ZBTB18: variants seen among roughly 807,000 people sequenced by gnomAD.
ZBTB18 encodes zinc finger and BTB domain-containing protein 18.
Under a neutral mutation model 37.7 loss-of-function variants are expected in ZBTB18, and 2 were observed. The observed-to-expected ratio is 0.05, with a 90% confidence interval of 0.02 to 0.17. The LOEUF (loss-of-function observed/expected upper bound fraction) is 0.17, where lower values mean the gene tolerates loss of function less well. ZBTB18 is among the 10% of genes least tolerant of loss of function. The pLI is 1.00. For synonymous variants in ZBTB18, 304 were observed against 276.5 expected (o/e 1.10, Z -0.99); for missense variants, 408 against 686.3 (o/e 0.59, Z 4.53).
At chr1:244,050,716 A>G (rs78753716), upstream of ZBTB18, among the ~76,000 whole-genome samples, 3,301 of 152,316 alleles carry the variant, frequency 0.022, 61 homozygotes, top group Non-Finnish European at 0.035. Flanking sequence ...AAGTAATTAC[A>G]TAAGAGTGAA....
chr1:244,049,056 G>A (rs1698294966), upstream of ZBTB18: 3 of 146,610 alleles, frequency 2.0e-5, no homozygotes, highest in South Asian at 5.4e-4. Flanking sequence ...CGGCACCCCG[G>A]CGGGCGGGGG....
chr1:244,055,002 A>G lies in ZBTB18; in HGVS notation c.1228A>G (p.Ser410Gly). The change falls in exon 2 of 2, where the codon AGC becomes GGC. Residue 410 changes from serine to glycine, a missense_variant. By Grantham distance (56) the Ser-to-Gly change is moderately conservative. Around this residue, in one of 4 missense-constraint regions of ZBTB18, gnomAD observed 266 missense variants for 312.0 expected, o/e 0.85. Transcript: ENST00000358704. The surrounding 1 kb of genome is among the most constrained non-coding windows in gnomAD (Gnocchi z 7.0). The stretch of plus-strand genomic sequence containing the variant: ...CTTCCGCGAGCAGGACGGCATCCGC[A>G]GCAAGCCCGCCGCCGATGTCAACGT... ...THFREQDGIR[S>G]KPAADVNVPT... 1.9e-6 allele frequency: 3 copies of G among 1,614,132 alleles called. No homozygotes were observed. Among genetic ancestry groups the G allele is most frequent in the Non-Finnish European group, 2.5e-6 (3 of 1,180,040 alleles).
rs772491509 is a variant in ZBTB18, at chr1:244,056,012, T to TG, written c.*643dup. On this transcript the variant is annotated 3_prime_UTR_variant, in exon 2 of 2. Transcript: ENST00000358704. The stretch of plus-strand genomic sequence containing the variant: ...GTTTGCTTGGGATGAAAAAGGATAT[T>TG]GCAGCTTCAGCAGTGTTGAACTGTG... The TG allele has an allele frequency of 8.6e-4, 144 of 167,102 alleles. No homozygotes were observed. The highest frequency in any genetic ancestry group is 1.2e-3 in the Non-Finnish European group (79 of 68,120). The allele number at this position is 167,102 out of a possible 1,614,324, so 10.4% of individuals were successfully genotyped here. A position where few individuals can be genotyped will look rare whatever the true frequency, so the allele number is the denominator to read the frequency against.
rs1448855252 is a variant in ZBTB18, at chr1:244,055,513, A to T, written c.*143A>T. 4.5e-6 allele frequency: 1 copy of T among 220,840 alleles called. No homozygotes were observed. Among genetic ancestry groups the T allele is most frequent in the Non-Finnish European group, 9.1e-6 (1 of 109,846 alleles). The allele number at this position is 220,840 out of a possible 1,614,324, so 13.7% of individuals were successfully genotyped here. A position where few individuals can be genotyped will look rare whatever the true frequency, so the allele number is the denominator to read the frequency against. ...ACTTGTTTTTGCACTTTAGAATAGC[A>T]TGAGAATCTCACTAATTTAGCATTC... On this transcript the variant is annotated 3_prime_UTR_variant, in exon 2 of 2. Transcript: ENST00000358704. The surrounding 1 kb of genome is among the most constrained non-coding windows in gnomAD (Gnocchi z 7.0).
chr1:244,050,363 A>G (rs1159732458), upstream of ZBTB18, among the ~76,000 whole-genome samples: 2 of 152,096 alleles, frequency 1.3e-5, no homozygotes, highest in African/African-American at 4.8e-5. Context: ...ACTGGCTGAA[A>G]AGTTCTCAAA....
upstream of ZBTB18, among the ~76,000 whole-genome samples, chr1:244,050,446 A>T (rs911755335): frequency 1.1e-4 from 15 of 137,872 alleles, no homozygotes; most frequent in Middle Eastern, 3.8e-3. Flanking sequence ...CCCCCCCCAA[A>T]GAAAAAAAAG....
intron 1 of ZBTB18, among the ~76,000 whole-genome samples, chr1:244,052,219 A>T (rs904078976): frequency 1.3e-5 from 2 of 152,156 alleles, no homozygotes; most frequent in Non-Finnish European, 2.9e-5. Flanking sequence ...GATGTTTATA[A>T]GCTTCCTTCT....
chr1:244,050,274 T>G (rs1698320273), upstream of ZBTB18, among the ~76,000 whole-genome samples: 1 of 152,162 alleles, frequency 6.6e-6, no homozygotes, highest in South Asian at 2.1e-4. Context: ...TTCAGAGATG[T>G]CGCAGCACCC....
rs974882746 is a variant in ZBTB18 at position 244,053,353 on chromosome 1, T to C, written c.14-435T>C. On this transcript the variant is annotated intron_variant, in intron 1 of 1. Transcript: ENST00000358704. This position sits in a 1 kb window ranked among gnomAD's most constrained non-coding sequence, Gnocchi z 5.2. Reference sequence around the variant, plus strand: ...GGATGGTTGAACAAGTTTTCTTGTATGTTCCAGGATATGTTTGGGACTTTT... The same window carrying C: ...GGATGGTTGAACAAGTTTTCTTGTACGTTCCAGGATATGTTTGGGACTTTT... Among the ~76,000 whole-genome samples, 9 of 152,242 alleles carry C rather than the reference T, an allele frequency of 5.9e-5. No individual in the cohort carries two copies. The highest frequency in any genetic ancestry group is 1.0e-4 in the Non-Finnish European group (7 of 68,044).
At position 244,056,882 on chromosome 1, in the gene ZBTB18, A is replaced by C. The variant is rs1048114285; in HGVS notation, c.*1512A>C. 2 of 167,036 alleles carry C rather than the reference A, an allele frequency of 1.2e-5. No individual in the cohort carries two copies. The highest frequency in any genetic ancestry group is 4.8e-5 in the African/African-American group (2 of 41,426). The allele number at this position is 167,036 out of a possible 1,614,324, so 10.3% of individuals were successfully genotyped here. A position where few individuals can be genotyped will look rare whatever the true frequency, so the allele number is the denominator to read the frequency against. ...TTTGTTTTCCTGTCTTGCACTTACAAATAAGGTCTATGGGAGTAGCATGGA... is the reference window on the plus strand; with the variant it reads ...TTTGTTTTCCTGTCTTGCACTTACACATAAGGTCTATGGGAGTAGCATGGA... On this transcript the variant is annotated 3_prime_UTR_variant, in exon 2 of 2. Coordinates refer to ENST00000358704, the MANE Select transcript of ZBTB18 (RefSeq NM_205768.3).
At position 244,054,508 on chromosome 1, in the gene ZBTB18, T is replaced by C. The variant is rs1698415328; in HGVS notation, c.734T>C (p.Val245Ala). ...ACCTCCGTGAGGGATTCGGCAGATG[T>C]TGACTGTGTGCTGGACCTGTCTGTC... ...SVTSVRDSAD[V>A]DCVLDLSVKS... The change falls in exon 2 of 2, where the codon GTT becomes GCT. Residue 245 changes from valine to alanine, a missense_variant. This residue lies in a region of ZBTB18 where 266 missense variants were observed against 312.0 expected (regional missense o/e 0.85). Coordinates refer to ENST00000358704, the MANE Select transcript of ZBTB18 (RefSeq NM_205768.3). The surrounding 1 kb of genome is among the most constrained non-coding windows in gnomAD (Gnocchi z 9.0). The C allele has an allele frequency of 1.9e-6, 3 of 1,614,092 alleles. No individual in the cohort carries two copies. The highest frequency in any genetic ancestry group is 2.5e-6 in the Non-Finnish European group (3 of 1,180,056).
Position 244,054,390 on chromosome 1 carries a change from G to C in ZBTB18, c.616G>C (p.Ala206Pro), listed in dbSNP as rs753996280. ...LPSDSAGIPQ[A>P]GGEAEPHATA... ...CTCAGACTCAGCAGGCATCCCCCAG[G>C]CTGGCGGAGAGGCAGAGCCACACGC... Residue 206 changes from alanine to proline, a missense_variant, in exon 2 of 2, where the codon GCT (alanine) becomes CCT (proline). Ala to Pro is a conservative substitution (Grantham distance 27, BLOSUM62 -1). This residue lies in a region of ZBTB18 where 266 missense variants were observed against 312.0 expected (regional missense o/e 0.85). Coordinates refer to ENST00000358704, the MANE Select transcript of ZBTB18 (RefSeq NM_205768.3). The surrounding 1 kb of genome is among the most constrained non-coding windows in gnomAD (Gnocchi z 9.0). 53 of 1,614,040 alleles carry C rather than the reference G, an allele frequency of 3.3e-5. 1 individual carries two copies. The South Asian group carries it at 5.3e-4, about 16-fold the overall frequency.
rs754505660 is a variant in ZBTB18, at chr1:244,055,014, G to A, written c.1240G>A (p.Ala414Thr). ...EQDGIRSKPAADVNVPTCSLC... is the reference protein window; with the variant it reads ...EQDGIRSKPATDVNVPTCSLC... ...GGACGGCATCCGCAGCAAGCCCGCC[G>A]CCGATGTCAACGTGCCCACGTGCTC... The change falls in exon 2 of 2, where the codon GCC becomes ACC. Residue 414 changes from alanine (A) to threonine (T), a missense_variant. Coordinates refer to ENST00000358704, the MANE Select transcript of ZBTB18 (RefSeq NM_205768.3). This position sits in a 1 kb window ranked among gnomAD's most constrained non-coding sequence, Gnocchi z 7.0. The A allele has an allele frequency of 2.6e-5, 42 of 1,614,160 alleles. 1 individual carries two copies. Among genetic ancestry groups the A allele is most frequent in the South Asian group, 2.0e-4 (18 of 91,084 alleles).
Position 244,055,803 on chromosome 1 carries a change from T to C in ZBTB18, c.*433T>C, listed in dbSNP as rs183884013. The C allele has an allele frequency of 3.3e-3, 546 of 167,172 alleles. 7 individuals carry two copies. The highest frequency in any genetic ancestry group is 1.0e-3 in the Non-Finnish European group (71 of 68,108). The allele number at this position is 167,172 out of a possible 1,614,324, so 10.4% of individuals were successfully genotyped here. A position where few individuals can be genotyped will look rare whatever the true frequency, so the allele number is the denominator to read the frequency against. The stretch of plus-strand genomic sequence containing the variant: ...ATATGTCTCAAATTGCATGAATTTT[T>C]TCTGGCTGTTGGAAACCTGAATGCT... On this transcript the variant is annotated 3_prime_UTR_variant, in exon 2 of 2. Coordinates refer to ENST00000358704, the MANE Select transcript of ZBTB18 (RefSeq NM_205768.3). The surrounding 1 kb of genome is among the most constrained non-coding windows in gnomAD (Gnocchi z 7.0).
rs1698402985 is a variant in ZBTB18, at chr1:244,054,012, A to C, written c.238A>C (p.Thr80Pro). The C allele has an allele frequency of 6.2e-7, 1 of 1,613,986 alleles. No individual in the cohort carries two copies. The highest frequency in any genetic ancestry group is 1.7e-5 in the Admixed American group (1 of 60,000). The part of the protein sequence containing the change: ...DIVHLNSDIV[T>P]APAFALLLEF... The stretch of plus-strand genomic sequence containing the variant: ...TGTTCATCTGAACAGCGACATTGTT[A>C]CAGCCCCCGCTTTCGCTCTCCTGCT... The change falls in exon 2 of 2, where the codon ACA becomes CCA. Residue 80 changes from threonine to proline, a missense_variant. Transcript: ENST00000358704. This position sits in a 1 kb window ranked among gnomAD's most constrained non-coding sequence, Gnocchi z 9.0.
chr1:244,054,997 T>G lies in ZBTB18; in HGVS notation c.1223T>G (p.Ile408Ser). Residue 408 changes from isoleucine (I) to serine (S), a missense_variant, in exon 2 of 2, where the codon ATC becomes AGC. Physicochemically the swap from Ile to Ser is moderately radical, Grantham distance 142. Around this residue, in one of 4 missense-constraint regions of ZBTB18, gnomAD observed 266 missense variants for 312.0 expected, o/e 0.85. Coordinates refer to ENST00000358704, the MANE Select transcript of ZBTB18 (RefSeq NM_205768.3). The surrounding 1 kb of genome is among the most constrained non-coding windows in gnomAD (Gnocchi z 9.0). The stretch of plus-strand genomic sequence containing the variant: ...ACGCACTTCCGCGAGCAGGACGGCA[T>G]CCGCAGCAAGCCCGCCGCCGATGTC... ...LSTHFREQDG[I>S]RSKPAADVNV... 1 of 1,614,090 alleles carries G rather than the reference T, an allele frequency of 6.2e-7. No homozygotes were observed.
intron 1 of ZBTB18, 154 bp downstream of exon 1, chr1:244,051,598 C>G (rs1698353255): frequency 2.6e-5 from 10 of 390,692 alleles, no homozygotes; most frequent in Non-Finnish European, 3.5e-5. Flanking sequence ...AAGTCTTGAG[C>G]TTGTTTAGTT....
chr1:244,051,479 C>T, intron 1 of ZBTB18, 35 bp downstream of exon 1: 1 of 1,612,556 alleles, frequency 6.2e-7, no homozygotes, highest in Non-Finnish European at 8.5e-7. Context: ...GAGCATATTT[C>T]TGTTTTGGTG....
chr1:244,053,982 G>C lies in ZBTB18; in HGVS notation c.208G>C (p.Asp70His), dbSNP rs373838988. ...TTACAAGGACCAGCTGGACAAAAGA[G>C]ACATTGTTCATCTGAACAGCGACAT... The part of the protein sequence containing the change: ...LFYKDQLDKR[D>H]IVHLNSDIVT... Residue 70 changes from aspartate (D) to histidine (H), a missense_variant, in exon 2 of 2, where the codon GAC (aspartate) becomes CAC (histidine). Coordinates refer to ENST00000358704, the MANE Select transcript of ZBTB18 (RefSeq NM_205768.3). The surrounding 1 kb of genome is among the most constrained non-coding windows in gnomAD (Gnocchi z 5.2). 2.5e-6 allele frequency: 4 copies of C among 1,614,108 alleles called. No individual in the cohort carries two copies. The highest frequency in any genetic ancestry group is 3.4e-6 in the Non-Finnish European group (4 of 1,180,028).
Sources: gnomAD v4.1 joint callset for allele counts (sites outside exome capture counted in the v4.1 genomes callset) on GRCh38, gnomAD v4.1.1 for gene constraint, gnomAD v4.1.1 regional missense constraint, Gnocchi (gnomAD v3.1) non-coding constraint, MANE v1.5 for transcripts, NCBI Gene and HGNC (gene_info 2026-07-23, HGNC 2026-07-21) for gene names.